Variants in RIBC2 observed in about 807,000 individuals in gnomAD.
The protein encoded by RIBC2 is RIB43A domain with coiled-coils 2, also known as RIB43A-like with coiled-coils protein 2.
RIBC2 carries 40 observed loss-of-function variants against 44.3 expected under a neutral mutation model. The observed-to-expected ratio is 0.90, with a 90% CI of 0.70 to 1.18. RIBC2 has a LOEUF of 1.18. Among genes scored for constraint, RIBC2 ranks in the 50% most tolerant of loss-of-function variants. The pLI is 0.00. For missense variants in RIBC2, 459 were observed against 485.5 expected (o/e 0.95, Z 0.51); for synonymous variants, 171 against 175.0 (o/e 0.98, Z 0.18).
At chr22:45,418,001 C>G (rs1569207574) in intron 3 of RIBC2, 55 bp downstream of exon 3, 2 of 1,139,270 alleles carry the variant, frequency 1.8e-6, no homozygotes, top group South Asian at 1.8e-5. Flanking sequence ...CAAACCAACC[C>G]TACAGTTTTT....
In RIBC2 at chr22:45,426,176, G is replaced by A. The variant is rs973440690; in HGVS notation, c.903+1G>A. The A allele has an allele frequency of 4.3e-6, 7 of 1,611,520 alleles. No homozygotes were observed. In the African/African-American group the frequency reaches 9.3e-5, roughly 22 times the overall value. On this transcript the variant is annotated splice_donor_variant, in intron 5 of 6. Transcript: ENST00000614167. LOFTEE classifies it high-confidence loss of function. Reference sequence around the variant, plus strand: ...GAAGCAGCAAATCCAGGAGAAGCTGGTGACTGCCCCGCCCCTTTTTCCAGA... The same window carrying A: ...GAAGCAGCAAATCCAGGAGAAGCTGATGACTGCCCCGCCCCTTTTTCCAGA...
At chr22:45,424,746 C>CT (rs1308471138) in intron 4 of RIBC2, among the ~76,000 whole-genome samples, 10 of 128,634 alleles carry the variant, frequency 7.8e-5, no homozygotes, top group Admixed American at 2.4e-4. Context: ...GCTCACATTT[C>CT]TTTTTTCTTT....
intron 3 of RIBC2, among the ~76,000 whole-genome samples, chr22:45,419,072 ATGT>A (rs1235384393): frequency 6.6e-6 from 1 of 152,098 alleles, no homozygotes; most frequent in African/African-American, 2.4e-5. Flanking sequence ...CAACCTCTGG[ATGT>A]TGTTCACACC....
chr22:45,421,541 A>ATAG (rs375074564), intron 3 of RIBC2, among the ~76,000 whole-genome samples: 86 of 27,994 alleles, frequency 3.1e-3, no homozygotes, highest in African/African-American at 0.018. Flanking sequence ...ATTATTAATA[A>ATAG]TATTAATAAT....
At position 45,432,367 on chromosome 22, in the gene RIBC2, G is replaced by T; in HGVS notation, c.*5G>T. The T allele has an allele frequency of 6.3e-7, 1 of 1,578,432 alleles. No individual in the cohort carries two copies. Among genetic ancestry groups the T allele is most frequent in the South Asian group, 1.1e-5 (1 of 89,292 alleles). On this transcript the variant is annotated 3_prime_UTR_variant, in exon 7 of 7. Coordinates refer to ENST00000614167, the MANE Select transcript of RIBC2 (RefSeq NM_015653.5). ...TTTAATACAGGAAGTCGATAATGAG[G>T]AACACACCCTTGTTCCCGTCATTCA...
chr22:45,430,759 A>G (rs1461405031), intron 5 of RIBC2, 141 bp from the exon 6 acceptor site: 2 of 1,078,724 alleles, frequency 1.9e-6, no homozygotes, highest in East Asian at 2.8e-5. Flanking sequence ...GGCTTCCTGC[A>G]TGACATCGGT....
chr22:45,428,083 C>A (rs2087549539), intron 5 of RIBC2, among the ~76,000 whole-genome samples: 1 of 152,170 alleles, frequency 6.6e-6, no homozygotes, highest in Admixed American at 6.5e-5. Context: ...TTCCTGGAGG[C>A]CAAGTGAGGA....
At chr22:45,418,212 G>A in intron 3 of RIBC2, 2 of 292,514 alleles carry the variant, frequency 6.8e-6, no homozygotes, top group East Asian at 5.8e-5. Context: ...CACTTTCCGT[G>A]TCGGGGTCCC....
intron 3 of RIBC2, among the ~76,000 whole-genome samples, chr22:45,421,433 A>G (rs1450852967): frequency 6.9e-6 from 1 of 145,626 alleles, no homozygotes; most frequent in Non-Finnish European, 1.5e-5. Context: ...CTGAATCCAG[A>G]CTCATAAATT....
At chr22:45,422,255 C>A in intron 3 of RIBC2, 35 bp from the exon 4 acceptor site, 1 of 1,521,650 alleles carries the variant, frequency 6.6e-7, no homozygotes, top group Non-Finnish European at 9.1e-7. Context: ...GCTCCTGTGG[C>A]CAGGTCGATC....
chr22:45,421,336 T>C (rs2087475941), intron 3 of RIBC2, among the ~76,000 whole-genome samples: 1 of 25,978 alleles, frequency 3.8e-5, no homozygotes, highest in Admixed American at 3.7e-4. Flanking sequence ...CTATTATTAA[T>C]AATAATAATT....
Position 45,414,353 on chromosome 22 carries a change from A to G in RIBC2, c.161A>G (p.His54Arg). Residue 54 changes from histidine (H) to arginine (R), a missense_variant, in exon 2 of 7, where the codon CAT becomes CGT. Transcript: ENST00000614167. ...ACTGAAGCCTGGGATGTTCAAGTTC[A>G]TGACCAGAAGATAAAAGAAGCTACT... ...GDTEAWDVQV[H>R]DQKIKEATEK... 1 of 1,551,328 alleles carries G rather than the reference A, an allele frequency of 6.4e-7. No individual in the cohort carries two copies. The highest frequency in any genetic ancestry group is 8.7e-7 in the Non-Finnish European group (1 of 1,146,892).
rs935770068 is a variant in RIBC2 at position 45,421,454 on chromosome 22, C to A, written c.557-836C>A. 9.6e-5 allele frequency among the ~76,000 whole-genome samples: 14 copies of A among 146,380 alleles called. No homozygotes were observed. The East Asian group carries it at 2.7e-3, about 29-fold the overall frequency. The stretch of plus-strand genomic sequence containing the variant: ...CCAGACTCATAAATTCATCTAACTT[C>A]TCTTGGATGTCTAATGCACTTGGAT... On this transcript the variant is annotated intron_variant, in intron 3 of 6. Coordinates refer to ENST00000614167, the MANE Select transcript of RIBC2 (RefSeq NM_015653.5).
intron 3 of RIBC2, among the ~76,000 whole-genome samples, chr22:45,419,878 T>C (rs542428872): frequency 2.0e-4 from 30 of 151,842 alleles, no homozygotes; most frequent in Non-Finnish European, 2.5e-4. Flanking sequence ...TACAAAAAAT[T>C]AGCCGGGAGT....
At chr22:45,424,120 C>A (rs1456990433) in intron 4 of RIBC2, among the ~76,000 whole-genome samples, 1 of 152,198 alleles carries the variant, frequency 6.6e-6, no homozygotes, top group East Asian at 1.9e-4. Context: ...TCTCAGACCC[C>A]CGGCTCCTCA....
intron 3 of RIBC2, among the ~76,000 whole-genome samples, chr22:45,418,923 G>T (rs2087451657): frequency 6.6e-6 from 1 of 152,152 alleles, no homozygotes; most frequent in African/African-American, 2.4e-5. Context: ...CCAATCCAAG[G>T]TCGGTTTTTG....
At chr22:45,427,279 C>T (rs2087542693) in intron 5 of RIBC2, among the ~76,000 whole-genome samples, 1 of 152,198 alleles carries the variant, frequency 6.6e-6, no homozygotes, top group African/African-American at 2.4e-5. Context: ...TGGCTCCTGG[C>T]TCTCACTTCT....
chr22:45,424,489 G>A (rs147695338), intron 4 of RIBC2, among the ~76,000 whole-genome samples: 232 of 152,308 alleles, frequency 1.5e-3, no homozygotes, highest in Admixed American at 2.7e-3. Context: ...CTCCTGTGTC[G>A]GTCAGAATGT....
At chr22:45,423,095 C>G (rs1031923670) in intron 4 of RIBC2, among the ~76,000 whole-genome samples, 1 of 152,144 alleles carries the variant, frequency 6.6e-6, no homozygotes, top group Non-Finnish European at 1.5e-5. Context: ...GATCCCCCCA[C>G]CTGAGCCATC....
Sources: allele counts gnomAD v4.1 joint callset (sites outside exome capture counted in the v4.1 genomes callset), GRCh38; gene constraint gnomAD v4.1.1; transcripts MANE v1.5; gene names NCBI Gene and HGNC (gene_info 2026-07-23, HGNC 2026-07-21).